Variants in RBM47 observed in about 807,000 individuals in gnomAD.
RBM47 encodes the protein RNA binding motif protein 47.
Under a neutral mutation model 47.1 loss-of-function variants are expected in RBM47, and 21 were observed. The observed-to-expected ratio is 0.45, with a 90% confidence interval of 0.32 to 0.64. The LOEUF is 0.64. Among genes scored for constraint, RBM47 ranks in the 30% least tolerant of loss-of-function variants. The pLI, the probability that RBM47 is intolerant of heterozygous loss-of-function variation, is 0.05. For missense variants in RBM47, 708 were observed against 870.9 expected (o/e 0.81, Z 2.35); for synonymous variants, 375 against 361.7 (o/e 1.04, Z -0.42).
At position 40,425,966 on chromosome 4, in the gene RBM47, G is replaced by C; in HGVS notation, c.1720C>G (p.Pro574Ala). 6.2e-7 allele frequency: 1 copy of C among 1,614,212 alleles called. No individual in the cohort carries two copies. The highest frequency in any genetic ancestry group is 1.1e-5 in the South Asian group (1 of 91,082). The change falls in exon 7 of 7, where the codon CCT becomes GCT. Residue 574 changes from proline to alanine, a missense_variant. Pro to Ala is a conservative substitution (Grantham distance 27). Coordinates refer to ENST00000295971, the MANE Select transcript of RBM47 (RefSeq NM_001098634.2). ...AMYGGYAGYI[P>A]QAFPAAAIQV... ...ATGGCAGCAGCAGGGAAGGCCTGAG[G>C]TATGTAGCCTGCGTATCCTCCATAC...
At chr4:40,471,571 C>T (rs968417825) in intron 2 of RBM47, among the ~76,000 whole-genome samples, 3 of 151,882 alleles carry the variant, frequency 2.0e-5, no homozygotes, top group Non-Finnish European at 2.9e-5. Flanking sequence ...GTGGCACACA[C>T]CTGTAATCCT....
chr4:40,552,974 CT>C (rs1196931375), intron 1 of RBM47, among the ~76,000 whole-genome samples: 54 of 147,192 alleles, frequency 3.7e-4, no homozygotes, highest in East Asian at 7.9e-4. Context: ...TTTCTTTTTT[CT>C]TTTTTTTTTT....
At chr4:40,491,892 C>T (rs193198403) in intron 2 of RBM47, 212 of 171,284 alleles carry the variant, frequency 1.2e-3, no homozygotes, top group Middle Eastern at 5.2e-3. Context: ...AGTATCAAGG[C>T]TAAAAGTTGA....
intron 2 of RBM47, among the ~76,000 whole-genome samples, chr4:40,524,846 T>A (rs1726542740): frequency 6.6e-6 from 1 of 152,092 alleles, no homozygotes; most frequent in Non-Finnish European, 1.5e-5. Flanking sequence ...GAATCTTCTT[T>A]GAGAATAAGC....
intron 1 of RBM47, among the ~76,000 whole-genome samples, chr4:40,580,267 G>A (rs1578003529): frequency 6.6e-6 from 1 of 151,588 alleles, no homozygotes; most frequent in South Asian, 2.1e-4. Flanking sequence ...CTGTGTGCTT[G>A]AATCCTTTCC....
At chr4:40,513,755 G>A (rs1725234935) in intron 2 of RBM47, among the ~76,000 whole-genome samples, 2 of 150,228 alleles carry the variant, frequency 1.3e-5, no homozygotes, top group South Asian at 4.2e-4. Flanking sequence ...TTTCGCTCTT[G>A]TCACCCAGGC....
intron 2 of RBM47, among the ~76,000 whole-genome samples, chr4:40,528,024 A>T (rs1726918791): frequency 6.6e-6 from 1 of 152,234 alleles, no homozygotes; most frequent in African/African-American, 2.4e-5. Context: ...TAAAAAATCA[A>T]TTCAACAAAT....
intron 1 of RBM47, among the ~76,000 whole-genome samples, chr4:40,588,405 C>G (rs1351622209): frequency 1.3e-5 from 2 of 152,138 alleles, no homozygotes; most frequent in Admixed American, 1.3e-4. Context: ...CTAGAAGGTC[C>G]TTACACATGT....
At chr4:40,433,823 G>A (rs1044053588) in intron 5 of RBM47, among the ~76,000 whole-genome samples, 1 of 152,214 alleles carries the variant, frequency 6.6e-6, no homozygotes, top group African/African-American at 2.4e-5. Context: ...TAGTGAAGAT[G>A]TGGAGTGATT....
chr4:40,583,284 C>A (rs1377600061), intron 1 of RBM47, among the ~76,000 whole-genome samples: 6 of 148,776 alleles, frequency 4.0e-5, no homozygotes, highest in South Asian at 4.3e-4. Flanking sequence ...CATGGTGGTG[C>A]ACACCTGTAA....
chr4:40,527,436 A>ATTTTTTTTTTTTTTTTTTTTTTTTTTT (rs60524903), intron 2 of RBM47, among the ~76,000 whole-genome samples: 2 of 104,720 alleles, frequency 1.9e-5, no homozygotes, highest in African/African-American at 3.9e-5. Context: ...ACACCTGGCA[A>ATTTTTTTTTTTTTTTTTTTTTTTTTTT]TTTTTTTTTT....
At chr4:40,568,790 A>G (rs975734538) in intron 1 of RBM47, among the ~76,000 whole-genome samples, 5 of 151,860 alleles carry the variant, frequency 3.3e-5, no homozygotes, top group East Asian at 1.9e-4. Flanking sequence ...AGACCAGCCT[A>G]ACTAACATGG....
chr4:40,497,851 C>A lies in RBM47; in HGVS notation c.-154-31152G>T, dbSNP rs145669717. Among the ~76,000 whole-genome samples, 413 of 149,014 alleles carry A rather than the reference C, an allele frequency of 2.8e-3. 2 individuals carry two copies. Among genetic ancestry groups the A allele is most frequent in the Middle Eastern group, 0.017 (5 of 288 alleles). ...AAAAAAAATTAGTCAGGTGTGGTGGCACATGTCTATGGTTCCAGCTACTTG... is the reference window on the plus strand; with the variant it reads ...AAAAAAAATTAGTCAGGTGTGGTGGAACATGTCTATGGTTCCAGCTACTTG... On this transcript the variant is annotated intron_variant, in intron 2 of 6. Coordinates refer to ENST00000295971, the MANE Select transcript of RBM47 (RefSeq NM_001098634.2).
chr4:40,602,541 G>A (rs535135270), intron 1 of RBM47, among the ~76,000 whole-genome samples: 2 of 151,760 alleles, frequency 1.3e-5, no homozygotes, highest in African/African-American at 4.8e-5. Context: ...CCAGCTACTT[G>A]GGAGGCTGAG....
intron 3 of RBM47, among the ~76,000 whole-genome samples, chr4:40,444,997 G>A (rs1345806465): frequency 2.0e-5 from 3 of 151,852 alleles, no homozygotes; most frequent in East Asian, 2.0e-4. Context: ...TTGTTTGGCC[G>A]GGCGCGGTGG....
intron 2 of RBM47, among the ~76,000 whole-genome samples, chr4:40,510,944 C>T (rs1724846579): frequency 6.6e-6 from 1 of 152,160 alleles, no homozygotes; most frequent in Non-Finnish European, 1.5e-5. Context: ...GAGTGAGGTA[C>T]TAATAGAATT....
intron 1 of RBM47, among the ~76,000 whole-genome samples, chr4:40,549,604 C>T (rs1577936676): frequency 6.7e-6 from 1 of 148,500 alleles, no homozygotes; most frequent in East Asian, 2.0e-4. Context: ...CTCACTGCAA[C>T]CTACGCCTCC....
intron 2 of RBM47, among the ~76,000 whole-genome samples, chr4:40,479,878 G>A (rs1235664949): frequency 2.0e-5 from 3 of 151,628 alleles, no homozygotes; most frequent in Non-Finnish European, 4.4e-5. Flanking sequence ...CCTACATACA[G>A]CCCTTGTCCT....
At chr4:40,430,026 C>T (rs545145559) in intron 6 of RBM47, among the ~76,000 whole-genome samples, 156 of 151,906 alleles carry the variant, frequency 1.0e-3, no homozygotes, top group African/African-American at 3.5e-3. Flanking sequence ...ACCCCGTCTC[C>T]ACTAAAAAAA....
Sources: allele counts gnomAD v4.1 joint callset (sites outside exome capture counted in the v4.1 genomes callset), GRCh38; gene constraint gnomAD v4.1.1; transcripts MANE v1.5; gene names NCBI Gene and HGNC (gene_info 2026-07-23, HGNC 2026-07-21).